NCOA3: variants seen among roughly 807,000 people sequenced by gnomAD.
NCOA3 encodes nuclear receptor coactivator 3.
A neutral mutation model predicts 158.8 loss-of-function variants in NCOA3; 51 were observed. The ratio of observed to expected loss-of-function variants is 0.32; its 90% CI spans 0.26 to 0.41. The LOEUF is 0.41. NCOA3 is among the 10% of genes least tolerant of loss of function. The pLI is 1.00. For synonymous variants in NCOA3, 537 were observed against 592.4 expected (o/e 0.91, Z 1.36); for missense variants, 1,510 against 1,746.6 (o/e 0.86, Z 2.41).
intron 1 of NCOA3, among the ~76,000 whole-genome samples, chr20:47,562,591 G>GA (rs1326317982): frequency 3.3e-5 from 5 of 151,860 alleles, no homozygotes; most frequent in Non-Finnish European, 5.9e-5. Context: ...TTGGATTTGG[G>GA]ATCTAGCTTT....
Position 47,633,477 on chromosome 20 carries a change from TCC to T in NCOA3, c.824-18_824-17del. ...TGTGGGCTGGATATAAGTCTTTTTT[TCC>T]TTTTTTTGTTTAATAGGAAAGGTTG... On this transcript the variant is annotated splice_polypyrimidine_tract_variant and intron_variant, in intron 8 of 22. Transcript: ENST00000371998. 6.3e-7 allele frequency: 1 copy of T among 1,597,376 alleles called. No individual in the cohort carries two copies. The highest frequency in any genetic ancestry group is 8.5e-7 in the Non-Finnish European group (1 of 1,173,628).
At chr20:47,511,526 T>TAG (rs2084131883) in intron 1 of NCOA3, among the ~76,000 whole-genome samples, 4 of 5,252 alleles carry the variant, frequency 7.6e-4, no homozygotes, top group Non-Finnish European at 9.4e-3. Context: ...TCTCTCGAGA[T>TAG]ATATATATAT....
intron 10 of NCOA3, among the ~76,000 whole-genome samples, chr20:47,634,768 C>T (rs2086479938): frequency 6.6e-6 from 1 of 152,058 alleles, no homozygotes; most frequent in Non-Finnish European, 1.5e-5. Flanking sequence ...AAATATGTTA[C>T]TAGGTAAATA....
intron 2 of NCOA3, among the ~76,000 whole-genome samples, chr20:47,583,666 A>G (rs1457160754): frequency 6.6e-6 from 1 of 152,258 alleles, no homozygotes; most frequent in Non-Finnish European, 1.5e-5. Flanking sequence ...TGTTATTAAG[A>G]AAATTATGGC....
chr20:47,600,659 C>T (rs958276185), intron 2 of NCOA3, among the ~76,000 whole-genome samples: 4 of 151,712 alleles, frequency 2.6e-5, no homozygotes, highest in South Asian at 4.2e-4. Context: ...GGACTACAGG[C>T]GTACACTAGC....
At chr20:47,640,978 A>C (rs2086595593) in intron 16 of NCOA3, among the ~76,000 whole-genome samples, 1 of 152,236 alleles carries the variant, frequency 6.6e-6, no homozygotes, top group African/African-American at 2.4e-5. Context: ...TGTCAGCTCT[A>C]ACAGGAATTC....
intron 1 of NCOA3, among the ~76,000 whole-genome samples, chr20:47,573,276 C>T (rs1445081044): frequency 6.6e-6 from 1 of 152,094 alleles, no homozygotes; most frequent in Non-Finnish European, 1.5e-5. Flanking sequence ...GCCTATAACC[C>T]CAGCTACTCA....
At chr20:47,572,128 G>T (rs1473314736) in intron 1 of NCOA3, among the ~76,000 whole-genome samples, 1 of 152,156 alleles carries the variant, frequency 6.6e-6, no homozygotes, top group Non-Finnish European at 1.5e-5. Flanking sequence ...AGCCCTCATA[G>T]AATTGAAGAG....
intron 17 of NCOA3, 41 bp downstream of exon 17, chr20:47,642,425 T>C: frequency 2.0e-6 from 3 of 1,487,404 alleles, no homozygotes; most frequent in Non-Finnish European, 2.7e-6. Context: ...TGTATATTTG[T>C]GTGTGTGCGC....
rs79113100 is a variant in NCOA3, at chr20:47,509,428, A to G, written c.-99+7409A>G. Among the ~76,000 whole-genome samples, 1,270 of 152,220 alleles carry G rather than the reference A, an allele frequency of 8.3e-3. 12 individuals are homozygous for G. The highest frequency in any genetic ancestry group is 0.013 in the Non-Finnish European group (915 of 67,996). On this transcript the variant is annotated intron_variant, in intron 1 of 22. Coordinates refer to ENST00000371998, the MANE Select transcript of NCOA3 (RefSeq NM_181659.3). Reference sequence around the variant, plus strand: ...TTTAATCGCCTGACTTCATCACAGTATATGCTATAACTGGGTAAAAGTGTG... The same window carrying G: ...TTTAATCGCCTGACTTCATCACAGTGTATGCTATAACTGGGTAAAAGTGTG...
chr20:47,649,398 C>T (rs1355834550), intron 19 of NCOA3, among the ~76,000 whole-genome samples: 1 of 152,106 alleles, frequency 6.6e-6, no homozygotes, highest in Non-Finnish European at 1.5e-5. Flanking sequence ...TATCACTTGG[C>T]TGTTTAGGAA....
chr20:47,518,533 C>T (rs1302454331), intron 1 of NCOA3, among the ~76,000 whole-genome samples: 7 of 148,936 alleles, frequency 4.7e-5, no homozygotes, highest in African/African-American at 1.7e-4. Flanking sequence ...TCAAGAGATT[C>T]TCCTGCCTCA....
chr20:47,558,779 A>G (rs1179959342), intron 1 of NCOA3, among the ~76,000 whole-genome samples: 1 of 149,766 alleles, frequency 6.7e-6, no homozygotes, highest in Admixed American at 6.6e-5. Context: ...ACATTTCTCT[A>G]AGATCCATAT....
chr20:47,571,096 C>G (rs894845288), intron 1 of NCOA3, among the ~76,000 whole-genome samples: 15 of 150,316 alleles, frequency 1.0e-4, no homozygotes, highest in African/African-American at 3.7e-4. Context: ...CCTCTGCCTC[C>G]CAGGTTCAAG....
chr20:47,535,179 G>A (rs1181474299), intron 1 of NCOA3, among the ~76,000 whole-genome samples: 1 of 152,152 alleles, frequency 6.6e-6, no homozygotes, highest in East Asian at 1.9e-4. Flanking sequence ...TCCCACCTCA[G>A]CCTCCTAAGT....
At chr20:47,607,558 TTAC>T (rs1442076265) in intron 2 of NCOA3, among the ~76,000 whole-genome samples, 3 of 152,182 alleles carry the variant, frequency 2.0e-5, no homozygotes, top group Admixed American at 1.3e-4. Context: ...ATGAAAAGAT[TTAC>T]TCATTTCTCT....
rs954804398 is a variant in NCOA3, at chr20:47,655,920, A to G, written c.*2503A>G. 2.6e-5 allele frequency: 4 copies of G among 152,466 alleles called. No individual in the cohort carries two copies. The highest frequency in any genetic ancestry group is 2.1e-4 in the South Asian group (1 of 4,828). The allele number at this position is 152,466 out of a possible 1,614,324, so 9.4% of individuals were successfully genotyped here. A position where few individuals can be genotyped will look rare whatever the true frequency, so the allele number is the denominator to read the frequency against. On this transcript the variant is annotated 3_prime_UTR_variant, in exon 23 of 23. Transcript: ENST00000371998. ...TACTTGTTCATTTGGTGCAAACTCA[A>G]GATTTCTTTTAATAGGTGCAGTCTT...
At chr20:47,539,303 G>C (rs538390331) in intron 1 of NCOA3, among the ~76,000 whole-genome samples, 1 of 152,126 alleles carries the variant, frequency 6.6e-6, no homozygotes, top group Non-Finnish European at 1.5e-5. Flanking sequence ...TCATACCATC[G>C]TACTATATGT....
intron 12 of NCOA3, 51 bp downstream of exon 12, chr20:47,636,813 T>A: frequency 6.8e-7 from 1 of 1,468,820 alleles, no homozygotes; most frequent in Non-Finnish European, 9.1e-7. Flanking sequence ...TTTTCGGTGT[T>A]AGATAATGTG....
Sources: allele counts gnomAD v4.1 joint callset (sites outside exome capture counted in the v4.1 genomes callset), GRCh38; gene constraint gnomAD v4.1.1; transcripts MANE v1.5; gene names NCBI Gene and HGNC (gene_info 2026-07-23, HGNC 2026-07-21).